USP32: variants seen among roughly 807,000 people sequenced by gnomAD.
USP32 encodes ubiquitin specific peptidase 32, also known as ubiquitin carboxyl-terminal hydrolase 32.
In USP32, 59 loss-of-function variants were observed where a neutral mutation model predicts 204.8. That is an observed-to-expected ratio of 0.29 (90% CI 0.23 to 0.36). USP32 has a LOEUF of 0.36. USP32 is among the 10% of genes least tolerant of loss of function. USP32 has a pLI of 1.00. For synonymous variants in USP32, 517 were observed against 678.4 expected, an observed-to-expected ratio of 0.76 and a Z score of 3.70; for missense variants, 1,160 against 1,946.4, an observed-to-expected ratio of 0.60 and a Z score of 7.60.
intron 2 of USP32, among the ~76,000 whole-genome samples, chr17:60,320,554 C>T (rs1219185724): frequency 3.3e-5 from 5 of 152,078 alleles, no homozygotes; most frequent in African/African-American, 1.2e-4. Context: ...GGGAAGAAAC[C>T]GGGGTACCTG....
At chr17:60,388,289 T>TACACACACACACAC (rs35068599) in intron 1 of USP32, among the ~76,000 whole-genome samples, 3,254 of 141,938 alleles carry the variant, frequency 0.023, 120 homozygotes, top group African/African-American at 0.072. Context: ...AGCCGATTCT[T>TACACACACACACAC]ACACACACAC....
intron 26 of USP32, among the ~76,000 whole-genome samples, chr17:60,201,978 T>C (rs1440332761): frequency 6.6e-6 from 1 of 152,122 alleles, no homozygotes; most frequent in Non-Finnish European, 1.5e-5. Flanking sequence ...TTTAATGAAG[T>C]CCAATTTAAT....
chr17:60,275,001 A>G (rs2086806679), intron 5 of USP32, among the ~76,000 whole-genome samples: 1 of 152,120 alleles, frequency 6.6e-6, no homozygotes, highest in Admixed American at 6.5e-5. Context: ...TATCAACTCT[A>G]ATATAAAATT....
chr17:60,198,182 A>G, intron 27 of USP32, 78 bp downstream of exon 27: 1 of 1,539,274 alleles, frequency 6.5e-7, no homozygotes, highest in Non-Finnish European at 8.8e-7. Flanking sequence ...GCTGGGTCCT[A>G]TCAGTCATGT....
intron 1 of USP32, among the ~76,000 whole-genome samples, chr17:60,366,480 G>GAA (rs2146072927): frequency 6.6e-6 from 1 of 152,152 alleles, no homozygotes; most frequent in Non-Finnish European, 1.5e-5. Context: ...TGGTCAGGCT[G>GAA]GTCTCGAACT....
At chr17:60,378,633 T>C (rs1339340668) in intron 1 of USP32, among the ~76,000 whole-genome samples, 2 of 152,178 alleles carry the variant, frequency 1.3e-5, no homozygotes, top group South Asian at 2.1e-4. Context: ...TTCTGCTATG[T>C]ACTACAACAT....
In USP32 at chr17:60,180,596, A is replaced by G; in HGVS notation, c.4590T>C (p.Tyr1530=). The G allele has an allele frequency of 3.1e-6, 5 of 1,613,768 alleles. No individual in the cohort carries two copies. The highest frequency in any genetic ancestry group is 2.2e-5 in the South Asian group (2 of 91,068). Residue 1530 remains tyrosine, a synonymous_variant, in exon 33 of 34, where the codon TAT becomes TAC. Coordinates refer to ENST00000300896, the MANE Select transcript of USP32 (RefSeq NM_032582.4). ...GILGGGHYVT[Y]AKNPNCKWYC... is the part of the protein sequence containing the mutation. ...ACCACTTGCAGTTTGGGTTTTTGGC[A>G]TAAGTGACGTAATGGCCCCCACCCA...
At chr17:60,283,914 T>C (rs547664956) in intron 5 of USP32, among the ~76,000 whole-genome samples, 1 of 152,136 alleles carries the variant, frequency 6.6e-6, no homozygotes, top group African/African-American at 2.4e-5. Context: ...GAGAACAAAC[T>C]AGAGCGAAGG....
intron 1 of USP32, among the ~76,000 whole-genome samples, chr17:60,349,578 G>GAAAAAAAAA (rs757370384): frequency 1.1e-4 from 3 of 27,720 alleles, no homozygotes; most frequent in Non-Finnish European, 1.2e-4. Context: ...TGTCTCAAAA[G>GAAAAAAAAA]AAAAAAAAAA....
At chr17:60,420,836 T>G (rs1297196636) in intron 1 of USP32, among the ~76,000 whole-genome samples, 1 of 152,246 alleles carries the variant, frequency 6.6e-6, no homozygotes, top group African/African-American at 2.4e-5. Context: ...TAAATATATA[T>G]GTACAAAAAT....
At chr17:60,343,565 G>A (rs1401945722) in intron 2 of USP32, among the ~76,000 whole-genome samples, 1 of 152,112 alleles carries the variant, frequency 6.6e-6, no homozygotes, top group Non-Finnish European at 1.5e-5. Flanking sequence ...GGTAAATAAC[G>A]AAATGAAGGC....
At chr17:60,245,963 G>A (rs961132513) in intron 11 of USP32, among the ~76,000 whole-genome samples, 18 of 151,570 alleles carry the variant, frequency 1.2e-4, no homozygotes, top group East Asian at 5.8e-4. Flanking sequence ...CATACAATGC[G>A]TAATGATCAA....
Position 60,391,866 on chromosome 17 carries a change from A to G in USP32, c.58+16T>C. 1 of 1,595,246 alleles carries G rather than the reference A, an allele frequency of 6.3e-7. No individual in the cohort carries two copies. The highest frequency in any genetic ancestry group is 1.1e-5 in the South Asian group (1 of 88,926). On this transcript the variant is annotated intron_variant, in intron 1 of 33. Transcript: ENST00000300896. ...CGGGCCTCCCAGGCAGCTCGCCCAG[A>G]CCCCTCCCCCCTCACCTCTCCTCAG...
At chr17:60,276,824 C>A (rs2086849779) in intron 5 of USP32, among the ~76,000 whole-genome samples, 1 of 151,832 alleles carries the variant, frequency 6.6e-6, no homozygotes, top group Non-Finnish European at 1.5e-5. Context: ...TCATGGTCAC[C>A]AGTGAAAAAC....
At chr17:60,261,887 T>C (rs2086462149) in intron 9 of USP32, among the ~76,000 whole-genome samples, 1 of 152,078 alleles carries the variant, frequency 6.6e-6, no homozygotes. Context: ...GTTAATACTG[T>C]CCAAAAGGAA....
In USP32 at chr17:60,213,562, G is replaced by T; in HGVS notation, c.2104+19C>A. 2.8e-6 allele frequency: 3 copies of T among 1,088,314 alleles called. No individual in the cohort carries two copies. Among genetic ancestry groups the T allele is most frequent in the Non-Finnish European group, 3.9e-6 (3 of 769,466 alleles). 67.4% of individuals were successfully genotyped at this position (1,088,314 alleles called of 1,614,324 possible). On this transcript the variant is annotated intron_variant, in intron 18 of 33. Coordinates refer to ENST00000300896, the MANE Select transcript of USP32 (RefSeq NM_032582.4). ...TTCCCCTTGAAAATTTAATATAGAT[G>T]CATGCTTCCATCTTGTACCTTCAAT...
At chr17:60,349,624 T>TTATATATATATATATATTA (rs2088893065) in intron 1 of USP32, among the ~76,000 whole-genome samples, 1 of 60,296 alleles carries the variant, frequency 1.7e-5, no homozygotes, top group African/African-American at 1.2e-4. Context: ...TATATATATA[T>TTATATATATATATATATTA]TATATATATA....
rs1598049453 is a variant in USP32 at position 60,198,432 on chromosome 17, G to T, written c.3262C>A (p.Leu1088Met). The T allele has an allele frequency of 6.2e-7, 1 of 1,614,114 alleles. No homozygotes were observed. The highest frequency in any genetic ancestry group is 1.1e-5 in the South Asian group (1 of 91,076). ...TTCTTCTGAGATGACAGGAAATACAGTTCTGTCCTCATCTGTATGTACAAA... is the reference window on the plus strand; with the variant it reads ...TTCTTCTGAGATGACAGGAAATACATTTCTGTCCTCATCTGTATGTACAAA... The part of the protein sequence containing the change: ...AVHRKMMRTE[L>M]YFLSSQKNRP... Residue 1088 changes from leucine (L) to methionine (M), a missense_variant, in exon 27 of 34, where the codon CTG becomes ATG. Around this residue, in one of 8 missense-constraint regions of USP32, gnomAD observed 160 missense variants for 322.5 expected, o/e 0.50. Coordinates refer to ENST00000300896, the MANE Select transcript of USP32 (RefSeq NM_032582.4).
At chr17:60,396,662 A>C (rs950137557), upstream of USP32, among the ~76,000 whole-genome samples, 1 of 152,172 alleles carries the variant, frequency 6.6e-6, no homozygotes, top group Non-Finnish European at 1.5e-5. Context: ...GCAACATTTC[A>C]ACAGGAGCCA....
Sources: gnomAD v4.1 joint callset for allele counts (sites outside exome capture counted in the v4.1 genomes callset) on GRCh38, gnomAD v4.1.1 for gene constraint, gnomAD v4.1.1 regional missense constraint, MANE v1.5 for transcripts, NCBI Gene and HGNC (gene_info 2026-07-23, HGNC 2026-07-21) for gene names.